LARP4B: variants seen among roughly 807,000 people sequenced by gnomAD.
LARP4B encodes La ribonucleoprotein 4B.
In LARP4B, 12 loss-of-function variants were observed where a neutral mutation model predicts 89.8. The observed-to-expected ratio is 0.13, with a 90% CI of 0.09 to 0.22. LARP4B has a LOEUF of 0.22. LARP4B is among the 10% of genes least tolerant of loss of function. LARP4B has a pLI of 1.00. For synonymous variants in LARP4B, 367 were observed against 363.3 expected (o/e 1.01, Z -0.12); for missense variants, 757 against 947.7 (o/e 0.80, Z 2.64).
intron 11 of LARP4B, among the ~76,000 whole-genome samples, chr10:827,231 C>T (rs914617241): frequency 2.6e-5 from 4 of 151,902 alleles, no homozygotes; most frequent in East Asian, 1.9e-4. Flanking sequence ...AGCCAAGATC[C>T]GGCCACTGCA....
chr10:825,472 A>G (rs1486063037), intron 12 of LARP4B, among the ~76,000 whole-genome samples, 156 bp from the exon 13 acceptor site: 1 of 152,234 alleles, frequency 6.6e-6, no homozygotes, highest in Non-Finnish European at 1.5e-5. Context: ...CATATAGGAT[A>G]ATGCAAATCT....
chr10:941,333 A>G, the LARP4B span, among the ~76,000 whole-genome samples: 1 of 129,990 alleles, frequency 7.7e-6, no homozygotes. Context: ...GTTTGTTTTG[A>G]GACGGAGTTT....
chr10:850,100 A>T (rs1833966610), intron 5 of LARP4B, among the ~76,000 whole-genome samples: 1 of 152,222 alleles, frequency 6.6e-6, no homozygotes, highest in African/African-American at 2.4e-5. Context: ...GTAATAGGAA[A>T]AACTGGGTGC....
chr10:913,315 T>C (rs774382878), intron 1 of LARP4B, among the ~76,000 whole-genome samples: 8 of 152,236 alleles, frequency 5.3e-5, no homozygotes, highest in Non-Finnish European at 1.2e-4. Context: ...TGCATGTCTT[T>C]ACTTTTATGT....
intron 1 of LARP4B, among the ~76,000 whole-genome samples, chr10:919,634 C>T (rs1215770853): frequency 2.0e-5 from 3 of 152,162 alleles, no homozygotes; most frequent in Non-Finnish European, 4.4e-5. Context: ...CCACAGTTGC[C>T]TGAGGACAGT....
chr10:889,638 A>G (rs1835958179), intron 1 of LARP4B, among the ~76,000 whole-genome samples: 1 of 152,216 alleles, frequency 6.6e-6, no homozygotes, highest in Non-Finnish European at 1.5e-5. Context: ...TCTAGACACT[A>G]AACTTCACAT....
chr10:907,174 T>C (rs1483965122), intron 1 of LARP4B, among the ~76,000 whole-genome samples: 2 of 150,412 alleles, frequency 1.3e-5, no homozygotes, highest in African/African-American at 5.0e-5. Flanking sequence ...AGGTCAGAAA[T>C]ATGTCTACCC....
chr10:875,639 C>T (rs1188753518), intron 3 of LARP4B, among the ~76,000 whole-genome samples: 1 of 152,240 alleles, frequency 6.6e-6, no homozygotes, highest in Non-Finnish European at 1.5e-5. Context: ...AGTCGAGAGG[C>T]TGCTTCTGGA....
intron 11 of LARP4B, among the ~76,000 whole-genome samples, chr10:828,180 G>C (rs1053219406): frequency 2.0e-5 from 3 of 152,188 alleles, no homozygotes; most frequent in Non-Finnish European, 4.4e-5. Context: ...GAAACTGCCA[G>C]CTCGTTCCCC....
chr10:882,046 G>C (rs894836615), intron 3 of LARP4B, among the ~76,000 whole-genome samples: 2 of 152,138 alleles, frequency 1.3e-5, no homozygotes, highest in Non-Finnish European at 2.9e-5. Flanking sequence ...GAGCATGTTT[G>C]TGCCTGCCCA....
intron 8 of LARP4B, 122 bp downstream of exon 8, chr10:836,281 T>G (rs1168408301): frequency 1.6e-6 from 1 of 641,950 alleles, no homozygotes; most frequent in Non-Finnish European, 2.7e-6. Context: ...AAAACAGTGT[T>G]AATGTAAGTA....
Position 818,510 on chromosome 10 carries a change from T to C in LARP4B, c.1531-621A>G, listed in dbSNP as rs368848977. ...CACAGGATTTGACAACAAATTCTAA[T>C]CAGATTCTTTGACTTCCAAGAAAGC... On this transcript the variant is annotated intron_variant, in intron 14 of 17. Coordinates refer to ENST00000316157, the MANE Select transcript of LARP4B (RefSeq NM_015155.3). 2.6e-5 allele frequency: 4 copies of C among 152,366 alleles called. No individual in the cohort carries two copies. In the East Asian group the frequency reaches 7.7e-4, roughly 29 times the overall value. 9.4% of individuals were successfully genotyped at this position (152,366 alleles called of 1,614,324 possible).
chr10:817,700 A>T (rs764226857), intron 15 of LARP4B, 25 bp downstream of exon 15: 1 of 1,604,742 alleles, frequency 6.2e-7, no homozygotes, highest in East Asian at 2.2e-5. Context: ...GTTGGCAACT[A>T]TTAGACATGC....
the LARP4B span, among the ~76,000 whole-genome samples, chr10:954,689 C>T: frequency 2.6e-5 from 4 of 152,226 alleles, no homozygotes; most frequent in African/African-American, 4.8e-5. The surrounding 1 kb of genome is among the most constrained non-coding windows in gnomAD (Gnocchi z 5.0). Context: ...GGGTACCGGC[C>T]GGGCGCATTC....
the LARP4B span, chr10:988,247 G>T: frequency 4.1e-6 from 2 of 489,166 alleles, no homozygotes; most frequent in Admixed American, 7.9e-5. Context: ...TAAAACCCGG[G>T]CGTCCTCTCC....
chr10:863,324 G>A lies in LARP4B; in HGVS notation c.430+419C>T, dbSNP rs1222338758. 4.6e-5 allele frequency among the ~76,000 whole-genome samples: 7 copies of A among 151,182 alleles called. No individual in the cohort carries two copies. In the Middle Eastern group the frequency reaches 0.014, roughly 302 times the overall value. On this transcript the variant is annotated intron_variant, in intron 5 of 17. Transcript: ENST00000316157. ...CTGCAAGCTCCGCCTCCAGGTTCAC[G>A]CCATTCTCCTGCCTCAGCCTCCCAA...
intron 3 of LARP4B, among the ~76,000 whole-genome samples, chr10:866,906 A>T (rs1297648281): frequency 6.6e-6 from 1 of 152,188 alleles, no homozygotes; most frequent in Non-Finnish European, 1.5e-5. Context: ...TGTTCCTCCT[A>T]TTCCAGGGTG....
chr10:951,443 G>T, the LARP4B span, among the ~76,000 whole-genome samples: 1 of 152,068 alleles, frequency 6.6e-6, no homozygotes, highest in African/African-American at 2.4e-5. Context: ...AACTCGAGAG[G>T]CTGAGGCAAC....
intron 1 of LARP4B, among the ~76,000 whole-genome samples, chr10:893,377 G>A (rs998750451): frequency 6.6e-6 from 1 of 152,018 alleles, no homozygotes; most frequent in South Asian, 2.1e-4. Context: ...TTAATGTTAG[G>A]TACACAGATT....
Sources: gnomAD v4.1 joint callset for allele counts (sites outside exome capture counted in the v4.1 genomes callset) on GRCh38, gnomAD v4.1.1 for gene constraint, Gnocchi (gnomAD v3.1) non-coding constraint, MANE v1.5 for transcripts, NCBI Gene and HGNC (gene_info 2026-07-23, HGNC 2026-07-21) for gene names.